Variants in LRRC58 observed in about 807,000 individuals in gnomAD.
LRRC58 encodes leucine rich repeat containing 58.
LRRC58 carries 18 observed loss-of-function variants against 30.6 expected under a neutral mutation model. That is an observed-to-expected ratio of 0.59 (90% confidence interval 0.41 to 0.87). LRRC58 has a LOEUF of 0.87. LRRC58 is among the 40% of genes least tolerant of loss of function. LRRC58 has a pLI of 0.00. For synonymous variants in LRRC58, 221 were observed against 206.0 expected (o/e 1.07, Z -0.62); for missense variants, 420 against 468.4 (o/e 0.90, Z 0.95).
rs777516356 is a variant in LRRC58, at chr3:120,335,814, G to C, written c.629+11C>G. 2.6e-5 allele frequency: 42 copies of C among 1,607,866 alleles called. No homozygotes were observed. Among genetic ancestry groups the C allele is most frequent in the Middle Eastern group, 1.7e-4 (1 of 6,054 alleles). Reference sequence around the variant, plus strand: ...ATGTCTGCGTATATACAAATGCCTGGAACTACTCACTGTGAAAGTTGAGGA... The same window carrying C: ...ATGTCTGCGTATATACAAATGCCTGCAACTACTCACTGTGAAAGTTGAGGA... On this transcript the variant is annotated intron_variant, in intron 2 of 3. Coordinates refer to ENST00000295628, the MANE Select transcript of LRRC58 (RefSeq NM_001099678.2).
chr3:120,338,311 A>G (rs763446651), intron 1 of LRRC58, among the ~76,000 whole-genome samples: 3 of 152,200 alleles, frequency 2.0e-5, no homozygotes, highest in Non-Finnish European at 4.4e-5. Context: ...TCTTCCTTTT[A>G]AAAATGGAAT....
In LRRC58 at chr3:120,345,115, T is replaced by TA. The variant is rs5852243; in HGVS notation, c.500+3628dup. Among the ~76,000 whole-genome samples the TA allele has an allele frequency of 8.2e-4, 122 of 148,022 alleles. 1 individual carries two copies. Among genetic ancestry groups the TA allele is most frequent in the East Asian group, 4.6e-3 (23 of 5,054 alleles). On this transcript the variant is annotated intron_variant, in intron 1 of 3. Coordinates refer to ENST00000295628, the MANE Select transcript of LRRC58 (RefSeq NM_001099678.2). The stretch of plus-strand genomic sequence containing the variant: ...TTGAAAGTGATGCTTCAGAAAACGT[T>TA]AAAAAAAAAAAGATTTTGCCACTAG...
chr3:120,347,365 C>CCCAGG (rs1313470056), intron 1 of LRRC58, among the ~76,000 whole-genome samples: 1 of 112,128 alleles, frequency 8.9e-6, no homozygotes, highest in Non-Finnish European at 2.0e-5. Context: ...GTTCTTTTTT[C>CCCAGG]CCAGGCCAAT....
chr3:120,347,347 C>A (rs759566819), intron 1 of LRRC58, among the ~76,000 whole-genome samples: 12 of 142,988 alleles, frequency 8.4e-5, no homozygotes, highest in Non-Finnish European at 1.7e-4. Context: ...AAGGCTGGAG[C>A]ACCAAGAGTT....
intron 3 of LRRC58, among the ~76,000 whole-genome samples, chr3:120,332,590 A>G (rs1033483058): frequency 1.4e-4 from 22 of 152,244 alleles, no homozygotes; most frequent in African/African-American, 5.3e-4. Context: ...CTAAAGCAGT[A>G]TAACACTATC....
At chr3:120,341,736 G>A (rs1241986511) in intron 1 of LRRC58, among the ~76,000 whole-genome samples, 2 of 151,804 alleles carry the variant, frequency 1.3e-5, no homozygotes, top group Non-Finnish European at 2.9e-5. Flanking sequence ...CATGGAGCTG[G>A]GGGGAGCCCT....
rs1283916815 is a variant in LRRC58, at chr3:120,329,421, T to C, written c.*1779A>G. On this transcript the variant is annotated 3_prime_UTR_variant, in exon 4 of 4. Transcript: ENST00000295628. ...TACTCTTCTAGGCAGTAGGAACATATTAGATTACCTCTATAGACATAGAAA... is the reference window on the plus strand; with the variant it reads ...TACTCTTCTAGGCAGTAGGAACATACTAGATTACCTCTATAGACATAGAAA... The C allele has an allele frequency of 6.6e-6, 1 of 152,014 alleles. No homozygotes were observed. Among genetic ancestry groups the C allele is most frequent in the African/African-American group, 2.4e-5 (1 of 41,404 alleles). The allele number at this position is 152,014 out of a possible 1,614,324, so 9.4% of individuals were successfully genotyped here.
rs2107620972 is a variant in LRRC58 at position 120,330,642 on chromosome 3, G to A, written c.*558C>T. Reference sequence around the variant, plus strand: ...ACTTTACCAGTTAGTTTGTCAGAAAGGTTTGTCCCATGTAACCATCTGTGA... The same window carrying A: ...ACTTTACCAGTTAGTTTGTCAGAAAAGTTTGTCCCATGTAACCATCTGTGA... On this transcript the variant is annotated 3_prime_UTR_variant, in exon 4 of 4. Coordinates refer to ENST00000295628, the MANE Select transcript of LRRC58 (RefSeq NM_001099678.2). The A allele has an allele frequency of 6.6e-6, 1 of 152,628 alleles. No homozygotes were observed. Among genetic ancestry groups the A allele is most frequent in the South Asian group, 2.1e-4 (1 of 4,846 alleles). The allele number at this position is 152,628 out of a possible 1,614,324, so 9.5% of individuals were successfully genotyped here.
intron 1 of LRRC58, among the ~76,000 whole-genome samples, chr3:120,344,295 G>A (rs1042779824): frequency 2.6e-5 from 4 of 152,078 alleles, no homozygotes; most frequent in Middle Eastern, 3.2e-3. Context: ...GGATTATAAG[G>A]TACCTATATG....
At chr3:120,348,385 G>A (rs1276480132) in intron 1 of LRRC58, among the ~76,000 whole-genome samples, 1 of 152,204 alleles carries the variant, frequency 6.6e-6, no homozygotes, top group Non-Finnish European at 1.5e-5. Flanking sequence ...CACGTACTTT[G>A]ATCTATAGAG....
Position 120,349,089 on chromosome 3 carries a change from G to A in LRRC58, c.155C>T (p.Pro52Leu), listed in dbSNP as rs970303868. Reference protein sequence around the residue: ...AREALLRLLLPHNRLVSLPRA... With the variant: ...AREALLRLLLLHNRLVSLPRA... ...TGGCAGCGACACCAGACGGTTGTGAGGCAGCAGCAGCCGCAGCAGCGCCTC... is the reference window on the plus strand; with the variant it reads ...TGGCAGCGACACCAGACGGTTGTGAAGCAGCAGCAGCCGCAGCAGCGCCTC... Residue 52 changes from proline to leucine, a missense_variant, in exon 1 of 4, where the codon CCT (proline) becomes CTT (leucine). Pro to Leu is a moderately conservative substitution (Grantham distance 98). Around this residue, in one of 2 missense-constraint regions of LRRC58, gnomAD observed 266 missense variants for 251.7 expected, o/e 1.06. Coordinates refer to ENST00000295628, the MANE Select transcript of LRRC58 (RefSeq NM_001099678.2). 19 of 1,514,482 alleles carry A rather than the reference G, an allele frequency of 1.3e-5. No individual in the cohort carries two copies. The East Asian group carries it at 4.5e-4, about 36-fold the overall frequency. The allele number at this position is 1,514,482 out of a possible 1,614,324, so 93.8% of individuals were successfully genotyped here.
chr3:120,340,665 C>T lies in LRRC58; in HGVS notation c.501-4712G>A, dbSNP rs539364473. On this transcript the variant is annotated intron_variant, in intron 1 of 3. Transcript: ENST00000295628. ...GAGGCAGGTGGATGACTTGAGGTCA[C>T]GAGTTCGAGACCAGCTTGGCTAACT... is the stretch of plus-strand genomic sequence containing the variant. Among the ~76,000 whole-genome samples, 112 of 152,102 alleles carry T rather than the reference C, an allele frequency of 7.4e-4. 2 individuals are homozygous for T. The highest frequency in any genetic ancestry group is 6.8e-3 in the Middle Eastern group (2 of 294).
intron 1 of LRRC58, among the ~76,000 whole-genome samples, chr3:120,336,913 T>C (rs962594910): frequency 2.7e-5 from 4 of 150,536 alleles, no homozygotes; most frequent in Non-Finnish European, 4.4e-5. Context: ...TACAAACACA[T>C]ACAGATTTTT....
At position 120,348,863 on chromosome 3, in the gene LRRC58, G is replaced by A. The variant is rs200896400; in HGVS notation, c.381C>T (p.Leu127=). ...PLCRSLQVLN[L]SGNCFQEVPA... is the part of the protein sequence containing the mutation. ...GCACCTCCTGGAAACAGTTGCCGCT[G>A]AGGTTGAGCACCTGGAGGCTGCGGC... The change falls in exon 1 of 4, where the codon CTC becomes CTT. Residue 127 remains leucine, a synonymous_variant. Coordinates refer to ENST00000295628, the MANE Select transcript of LRRC58 (RefSeq NM_001099678.2). The A allele has an allele frequency of 6.9e-6, 11 of 1,600,866 alleles. 1 individual carries two copies. The African/African-American group carries it at 1.2e-4, about 17-fold the overall frequency.
intron 2 of LRRC58, 44 bp from the exon 3 acceptor site, chr3:120,335,183 A>T: frequency 6.5e-7 from 1 of 1,527,504 alleles, no homozygotes; most frequent in Non-Finnish European, 9.0e-7. Context: ...TAAACAACGT[A>T]ACTATCAAAA....
At chr3:120,347,658 T>G (rs1361200299) in intron 1 of LRRC58, among the ~76,000 whole-genome samples, 8 of 151,414 alleles carry the variant, frequency 5.3e-5, no homozygotes, top group Admixed American at 5.3e-4. Flanking sequence ...CCCAAAGTGC[T>G]GGGATTACAG....
In LRRC58 at chr3:120,349,267, C is replaced by T. The variant is rs896275730; in HGVS notation, c.-24G>A. On this transcript the variant is annotated 5_prime_UTR_variant, in exon 1 of 4. Coordinates refer to ENST00000295628, the MANE Select transcript of LRRC58 (RefSeq NM_001099678.2). ...ATCCTGGCCACCGCACGGCGCGTGG[C>T]GCCGGATTCCCCAGAGCGCCGCGCG... The T allele has an allele frequency of 5.2e-6, 7 of 1,356,904 alleles. No individual in the cohort carries two copies. The highest frequency in any genetic ancestry group is 4.1e-5 in the Admixed American group (1 of 24,582). 84.1% of individuals were successfully genotyped at this position (1,356,904 alleles called of 1,614,324 possible).
At chr3:120,332,022 G>A (rs965888787) in intron 3 of LRRC58, among the ~76,000 whole-genome samples, 1 of 152,072 alleles carries the variant, frequency 6.6e-6, no homozygotes, top group Non-Finnish European at 1.5e-5. Context: ...GTAATATCTG[G>A]CCCTTTTGAT....
rs1935723232 is a variant in LRRC58 at position 120,329,347 on chromosome 3, G to A, written c.*1853C>T. The A allele has an allele frequency of 6.6e-6, 1 of 151,746 alleles. No homozygotes were observed. Among genetic ancestry groups the A allele is most frequent in the African/African-American group, 2.4e-5 (1 of 41,122 alleles). 9.4% of individuals were successfully genotyped at this position (151,746 alleles called of 1,614,324 possible). A position where few individuals can be genotyped will look rare whatever the true frequency, so the allele number is the denominator to read the frequency against. ...AGCTTGCTGTGGCCCACATGGAGAA[G>A]TAAGCAAAGACTTTATACCTCTATT... On this transcript the variant is annotated 3_prime_UTR_variant, in exon 4 of 4. Transcript: ENST00000295628.
Sources: gnomAD v4.1 joint callset for allele counts (sites outside exome capture counted in the v4.1 genomes callset) on GRCh38, gnomAD v4.1.1 for gene constraint, gnomAD v4.1.1 regional missense constraint, MANE v1.5 for transcripts, NCBI Gene and HGNC (gene_info 2026-07-23, HGNC 2026-07-21) for gene names.